The following SLC8A1 variants were observed in gnomAD, a reference collection of about 807,000 sequenced individuals.
SLC8A1 encodes the protein solute carrier family 8 member A1.
In SLC8A1, 18 loss-of-function variants were observed where a neutral mutation model predicts 68.3. The ratio of observed to expected loss-of-function variants is 0.26; its 90% CI spans 0.18 to 0.39. The LOEUF (loss-of-function observed/expected upper bound fraction) is 0.39. Among genes scored for constraint, SLC8A1 ranks in the 10% least tolerant of loss-of-function variants. The pLI is 1.00. For synonymous variants in SLC8A1, 475 were observed against 415.5 expected (o/e 1.14, Z -1.74); for missense variants, 985 against 1,156.7 (o/e 0.85, Z 2.15).
At chr2:40,454,219 T>G (rs937833980), upstream of SLC8A1, among the ~76,000 whole-genome samples, 2 of 152,090 alleles carry the variant, frequency 1.3e-5, no homozygotes, top group African/African-American at 4.8e-5. Flanking sequence ...TAAGGAAAGC[T>G]TATAACTAAA....
rs1209496459 is a variant in SLC8A1, at chr2:40,476,548, A to C, written c.-25+35801T>G. Reference sequence around the variant, plus strand: ...TAGTGAAGGCGTCATTGAGCAGATCACATTTGACCAGAGACCTTAATAAAG... The same window carrying C: ...TAGTGAAGGCGTCATTGAGCAGATCCCATTTGACCAGAGACCTTAATAAAG... On this transcript the variant is annotated intron_variant, in intron 1 of 7. Coordinates refer to the SLC8A1 transcript ENST00000402441. Among the ~76,000 whole-genome samples, 4 of 152,254 alleles carry C rather than the reference A, an allele frequency of 2.6e-5. No individual in the cohort carries two copies. In the East Asian group the frequency reaches 7.7e-4, roughly 29 times the overall value.
intron 1 of SLC8A1, among the ~76,000 whole-genome samples, chr2:40,476,889 T>A (rs948351110): frequency 6.6e-6 from 1 of 152,112 alleles, no homozygotes; most frequent in Non-Finnish European, 1.5e-5. Flanking sequence ...CAATAGTGAG[T>A]CTTGTTCTTT....
intron 2 of SLC8A1, among the ~76,000 whole-genome samples, chr2:40,316,530 T>G (rs1208605121): frequency 6.6e-6 from 1 of 152,072 alleles, no homozygotes; most frequent in African/African-American, 2.4e-5. Context: ...ACATGTGTTC[T>G]TTGTTTAAGC....
At chr2:40,444,085 C>T (rs1444226069) in intron 1 of SLC8A1, among the ~76,000 whole-genome samples, 1 of 152,076 alleles carries the variant, frequency 6.6e-6, no homozygotes, top group African/African-American at 2.4e-5. Context: ...GACTATAATC[C>T]CAGCACTTTG....
chr2:40,144,171 A>G (rs1024718479), intron 6 of SLC8A1, among the ~76,000 whole-genome samples: 12 of 152,202 alleles, frequency 7.9e-5, no homozygotes, highest in African/African-American at 2.7e-4. Context: ...TTCTGTTTGA[A>G]TGAGCCATTA....
chr2:40,161,333 A>G (rs1281204788), intron 5 of SLC8A1, among the ~76,000 whole-genome samples: 1 of 152,216 alleles, frequency 6.6e-6, no homozygotes, highest in Non-Finnish European at 1.5e-5. Context: ...TAGCCAGATA[A>G]TGGAGTCTCC....
intron 2 of SLC8A1, among the ~76,000 whole-genome samples, chr2:40,242,083 T>A (rs1293241932): frequency 6.6e-6 from 1 of 152,100 alleles, no homozygotes; most frequent in African/African-American, 2.4e-5. Flanking sequence ...TTTGACTAAA[T>A]ATATTGTTAT....
chr2:40,209,648 T>C (rs1159473495), intron 2 of SLC8A1, among the ~76,000 whole-genome samples: 2 of 152,122 alleles, frequency 1.3e-5, no homozygotes, highest in African/African-American at 4.8e-5. Context: ...CAAAGGATGA[T>C]GGTGCCTCAG....
intron 7 of SLC8A1, among the ~76,000 whole-genome samples, chr2:40,126,492 G>T (rs2038123255): frequency 6.6e-6 from 1 of 152,148 alleles, no homozygotes; most frequent in Non-Finnish European, 1.5e-5. Flanking sequence ...AACAGAGGTG[G>T]TAGGGGAGCT....
chr2:40,167,751 G>A (rs1431496165), intron 4 of SLC8A1, among the ~76,000 whole-genome samples: 1 of 152,146 alleles, frequency 6.6e-6, no homozygotes, highest in African/African-American at 2.4e-5. Context: ...CCCTATTGAT[G>A]AGTGAGAAGG....
chr2:40,260,611 T>G (rs947981110), intron 2 of SLC8A1, among the ~76,000 whole-genome samples: 9 of 152,048 alleles, frequency 5.9e-5, no homozygotes, highest in African/African-American at 2.2e-4. Context: ...GGAGAGGTAA[T>G]AGGAATTCAA....
intron 7 of SLC8A1, among the ~76,000 whole-genome samples, chr2:40,137,415 A>G (rs1265736394): frequency 2.6e-5 from 4 of 152,170 alleles, no homozygotes; most frequent in Admixed American, 2.6e-4. Context: ...TTTTGCCTTT[A>G]TGATCATTAT....
At chr2:40,221,560 G>A (rs1041494174) in intron 2 of SLC8A1, among the ~76,000 whole-genome samples, 1 of 152,064 alleles carries the variant, frequency 6.6e-6, no homozygotes, top group Non-Finnish European at 1.5e-5. Context: ...AGAAATAAAG[G>A]GTATTTGAAT....
At chr2:40,384,122 A>G (rs1682824755) in intron 2 of SLC8A1, among the ~76,000 whole-genome samples, 1 of 151,770 alleles carries the variant, frequency 6.6e-6, no homozygotes, top group South Asian at 2.1e-4. Context: ...ACAGTTAGAC[A>G]TGGTGGGCCT....
chr2:40,238,194 C>G (rs913663323), intron 2 of SLC8A1, among the ~76,000 whole-genome samples: 7 of 151,824 alleles, frequency 4.6e-5, no homozygotes, highest in African/African-American at 1.7e-4. Flanking sequence ...GCGGGCGCCC[C>G]TCCCCCAGCC....
At chr2:40,434,947 C>A (rs1017665450) in intron 1 of SLC8A1, among the ~76,000 whole-genome samples, 1 of 152,110 alleles carries the variant, frequency 6.6e-6, no homozygotes, top group Admixed American at 6.5e-5. Context: ...AGAGGGAGAG[C>A]TTTTGGAGCA....
intron 2 of SLC8A1, among the ~76,000 whole-genome samples, chr2:40,371,149 C>T (rs1677906699): frequency 6.6e-6 from 1 of 152,038 alleles, no homozygotes; most frequent in African/African-American, 2.4e-5. Context: ...GTCCCTGGCC[C>T]AGCCCCTGGA....
intron 2 of SLC8A1, among the ~76,000 whole-genome samples, chr2:40,202,766 G>A (rs2054630406): frequency 6.6e-6 from 1 of 151,924 alleles, no homozygotes; most frequent in Admixed American, 6.6e-5. Flanking sequence ...GCTCTAAAGA[G>A]CCAATATGTC....
chr2:40,341,361 A>G (rs1667635646), intron 2 of SLC8A1, among the ~76,000 whole-genome samples: 1 of 152,216 alleles, frequency 6.6e-6, no homozygotes, highest in Non-Finnish European at 1.5e-5. Flanking sequence ...CTGTCTTCTA[A>G]CTTGGCCCTG....
Sources: gnomAD v4.1 joint callset for allele counts (sites outside exome capture counted in the v4.1 genomes callset) on GRCh38, gnomAD v4.1.1 for gene constraint, MANE v1.5 for transcripts, NCBI Gene and HGNC (gene_info 2026-07-23, HGNC 2026-07-21) for gene names.